DCLK3: variants seen among roughly 807,000 people sequenced by gnomAD.
DCLK3 encodes doublecortin like kinase 3.
DCLK3 carries 30 observed loss-of-function variants against 46.4 expected under a neutral mutation model. The observed-to-expected ratio is 0.65, with a 90% CI of 0.48 to 0.88. DCLK3 has a LOEUF of 0.88. Ranked by LOEUF, DCLK3 falls within the 40% of genes least tolerant of loss-of-function variation. The pLI is 0.00. For synonymous variants in DCLK3, 401 were observed against 339.2 expected, an observed-to-expected ratio of 1.18 and a Z score of -2.00; for missense variants, 846 against 907.1, an observed-to-expected ratio of 0.93 and a Z score of 0.87.
intron 1 of DCLK3, among the ~76,000 whole-genome samples, chr3:36,753,709 G>A (rs543478394): frequency 2.9e-4 from 44 of 152,170 alleles, no homozygotes; most frequent in Middle Eastern, 3.4e-3. Context: ...AGGGTCTTCT[G>A]CCTAGACTGG....
chr3:36,753,025 G>C (rs897576390), intron 1 of DCLK3, among the ~76,000 whole-genome samples: 7 of 152,124 alleles, frequency 4.6e-5, no homozygotes, highest in Admixed American at 6.5e-5. Context: ...GTCAAGGGTA[G>C]GAAAAGAACT....
intron 1 of DCLK3, among the ~76,000 whole-genome samples, chr3:36,755,269 G>C (rs1456822944): frequency 3.3e-5 from 5 of 152,144 alleles, no homozygotes; most frequent in Non-Finnish European, 5.9e-5. Context: ...ATTTTTGAGG[G>C]AGGACAGGAA....
intron 1 of DCLK3, among the ~76,000 whole-genome samples, chr3:36,758,299 C>G (rs57947378): frequency 6.6e-6 from 1 of 152,294 alleles, no homozygotes; most frequent in African/African-American, 2.4e-5. Flanking sequence ...CTAAGTGCTA[C>G]CACATAATTT....
rs1701271911 is a variant in DCLK3, at chr3:36,737,081, GTATGT to G, written c.1959+122_1959+126del. 1 of 1,263,944 alleles carries G rather than the reference GTATGT, an allele frequency of 7.9e-7. No homozygotes were observed. Among genetic ancestry groups the G allele is most frequent in the Non-Finnish European group, 1.1e-6 (1 of 931,682 alleles). 78.3% of individuals were successfully genotyped at this position (1,263,944 alleles called of 1,614,324 possible). ...ACCATAGTTTTAAATACTGGAACAA[GTATGT>G]TATAATAACATAAAAGTAAAATTCT... On this transcript the variant is annotated intron_variant, in intron 2 of 4. Coordinates refer to ENST00000636136, the MANE Select transcript of DCLK3 (RefSeq NM_001394672.2). This position sits in a 1 kb window ranked among gnomAD's most constrained non-coding sequence, Gnocchi z 4.4.
intron 2 of DCLK3, among the ~76,000 whole-genome samples, chr3:36,731,979 A>G (rs1701205168): frequency 6.6e-6 from 1 of 152,236 alleles, no homozygotes; most frequent in Non-Finnish European, 1.5e-5. Context: ...ACTTTTAAGA[A>G]AGTTAATCTT....
intron 3 of DCLK3, 117 bp downstream of exon 3, chr3:36,721,410 C>G: frequency 7.2e-7 from 1 of 1,382,438 alleles, no homozygotes; most frequent in Non-Finnish European, 9.9e-7. Context: ...AGTCCAAATC[C>G]AAGCCTAAGT....
chr3:36,720,060 G>A (rs1387724137), intron 3 of DCLK3, among the ~76,000 whole-genome samples: 1 of 152,204 alleles, frequency 6.6e-6, no homozygotes, highest in African/African-American at 2.4e-5. Context: ...AATGTTGGAG[G>A]TGGGGCCTGG....
intron 3 of DCLK3, among the ~76,000 whole-genome samples, chr3:36,718,917 T>C (rs962497617): frequency 2.0e-5 from 3 of 152,166 alleles, no homozygotes; most frequent in Admixed American, 6.5e-5. Flanking sequence ...AAAAATAGGA[T>C]CACATTGCAC....
intron 1 of DCLK3, among the ~76,000 whole-genome samples, chr3:36,740,897 G>A: frequency 6.6e-6 from 1 of 152,066 alleles, no homozygotes; most frequent in East Asian, 1.9e-4. Context: ...ATGAGATTTT[G>A]GCCCAGCAAA....
At chr3:36,743,657 A>G (rs1052726740) in intron 1 of DCLK3, among the ~76,000 whole-genome samples, 2 of 152,226 alleles carry the variant, frequency 1.3e-5, no homozygotes, top group Admixed American at 6.5e-5. Flanking sequence ...ACACCAAAAT[A>G]CAAATGTTTA....
At chr3:36,729,579 C>G (rs1701172445) in intron 2 of DCLK3, among the ~76,000 whole-genome samples, 1 of 152,144 alleles carries the variant, frequency 6.6e-6, no homozygotes, top group Non-Finnish European at 1.5e-5. Flanking sequence ...TTTTTCTGAA[C>G]AATTAACTCT....
At chr3:36,757,404 C>T (rs1038959762) in intron 1 of DCLK3, among the ~76,000 whole-genome samples, 1 of 152,172 alleles carries the variant, frequency 6.6e-6, no homozygotes, top group Non-Finnish European at 1.5e-5. Context: ...ACTAATCTCA[C>T]ATTATATGGC....
intron 2 of DCLK3, 120 bp from the exon 3 acceptor site, chr3:36,721,779 A>C (rs1345786263): frequency 1.7e-6 from 2 of 1,203,386 alleles, no homozygotes; most frequent in Non-Finnish European, 2.3e-6. Context: ...ATGAGATTAC[A>C]GCTTAGCCCA....
intron 1 of DCLK3, among the ~76,000 whole-genome samples, chr3:36,746,245 C>G (rs1487164730): frequency 2.0e-5 from 3 of 152,198 alleles, no homozygotes; most frequent in African/African-American, 7.2e-5. Context: ...TCTGTATGGT[C>G]TCTGACTGAG....
rs1463104891 is a variant in DCLK3, at chr3:36,737,982, G to A, written c.1185C>T (p.Asp395=). ...RPSKSMDKKE[D]RGPEDQESHA... ...GGCTTTCTTGATCCTCTGGGCCTCTGTCCTCTTTCTTGTCCATGCTCTTGC... is the reference window on the plus strand; with the variant it reads ...GGCTTTCTTGATCCTCTGGGCCTCTATCCTCTTTCTTGTCCATGCTCTTGC... Residue 395 remains aspartate (D), a synonymous_variant, in exon 2 of 5, where the codon GAC becomes GAT. Coordinates refer to ENST00000636136, the MANE Select transcript of DCLK3 (RefSeq NM_001394672.2). This position sits in a 1 kb window ranked among gnomAD's most constrained non-coding sequence, Gnocchi z 4.4. 6 of 1,614,160 alleles carry A rather than the reference G, an allele frequency of 3.7e-6. No individual in the cohort carries two copies. The highest frequency in any genetic ancestry group is 5.1e-6 in the Non-Finnish European group (6 of 1,180,038).
chr3:36,714,715 C>G lies in DCLK3; in HGVS notation c.*613G>C, dbSNP rs1304313082. Reference sequence around the variant, plus strand: ...GTTTTTTTTCTTTCCATGTCTCAGACTGCACCAAAACTGATTTTTGGTAAG... The same window carrying G: ...GTTTTTTTTCTTTCCATGTCTCAGAGTGCACCAAAACTGATTTTTGGTAAG... On this transcript the variant is annotated 3_prime_UTR_variant, in exon 5 of 5. Coordinates refer to ENST00000636136, the MANE Select transcript of DCLK3 (RefSeq NM_001394672.2). 1 of 152,212 alleles carries G rather than the reference C, an allele frequency of 6.6e-6. No homozygotes were observed. The highest frequency in any genetic ancestry group is 2.4e-5 in the African/African-American group (1 of 41,438). The allele number at this position is 152,212 out of a possible 1,614,324, so 9.4% of individuals were successfully genotyped here.
In DCLK3 at chr3:36,718,143, G is replaced by T. The variant is rs771625779; in HGVS notation, c.2127C>A (p.Gly709=). 1 of 1,614,106 alleles carries T rather than the reference G, an allele frequency of 6.2e-7. No homozygotes were observed. The highest frequency in any genetic ancestry group is 1.3e-5 in the African/African-American group (1 of 75,062). The part of the protein sequence containing the change: ...YGLEVDMWAA[G]VILYILLCGF... ...CACACAGCAGGATATAGAGGATCAC[G>T]CCAGCAGCCCACATGTCCACCTCCA... Residue 709 remains glycine, a synonymous_variant, in exon 4 of 5, where the codon GGC becomes GGA. Transcript: ENST00000636136.
intron 1 of DCLK3, among the ~76,000 whole-genome samples, chr3:36,748,602 C>A (rs1701413044): frequency 6.6e-6 from 1 of 152,086 alleles, no homozygotes; most frequent in African/African-American, 2.4e-5. Context: ...CAGATAACAT[C>A]CTGCCCTGGG....
At chr3:36,747,594 T>C (rs11917941) in intron 1 of DCLK3, among the ~76,000 whole-genome samples, 52,397 of 151,928 alleles carry the variant, frequency 0.34, 9,879 homozygotes, top group Non-Finnish European at 0.44. Flanking sequence ...CTCTGGTGAT[T>C]AACGGTTGTT....
Sources: allele counts gnomAD v4.1 joint callset (sites outside exome capture counted in the v4.1 genomes callset), GRCh38; gene constraint gnomAD v4.1.1; non-coding constraint Gnocchi (gnomAD v3.1); transcripts MANE v1.5; gene names NCBI Gene and HGNC (gene_info 2026-07-23, HGNC 2026-07-21).